The following MALRD1 variants were observed in gnomAD, a reference collection of about 807,000 sequenced individuals.
MALRD1 encodes the protein MAM and LDL-receptor class A domain-containing protein 1.
A neutral mutation model predicts 242.1 loss-of-function variants in MALRD1; 247 were observed. That is an observed-to-expected ratio of 1.02 (90% confidence interval 0.92 to 1.13). The LOEUF is 1.13. Ranked by LOEUF, MALRD1 falls within the 50% of genes most tolerant of loss-of-function variation. MALRD1 has a pLI of 0.00. For missense variants in MALRD1, 2,989 were observed against 2,533.1 expected, an observed-to-expected ratio of 1.18 and a Z score of -3.86; for synonymous variants, 995 against 866.6, an observed-to-expected ratio of 1.15 and a Z score of -2.60.
chr10:19,338,156 A>T (rs1251587922), intron 24 of MALRD1, among the ~76,000 whole-genome samples: 3 of 152,058 alleles, frequency 2.0e-5, no homozygotes, highest in Non-Finnish European at 4.4e-5. Flanking sequence ...TATAATCGAT[A>T]AACCTACAAT....
chr10:19,185,369 G>A (rs1208390686), intron 14 of MALRD1, among the ~76,000 whole-genome samples: 1 of 151,594 alleles, frequency 6.6e-6, no homozygotes, highest in Non-Finnish European at 1.5e-5. Context: ...CTAATTTTAT[G>A]AAAAAATTCT....
chr10:19,391,444 G>A (rs1846332966), intron 28 of MALRD1, among the ~76,000 whole-genome samples: 3 of 152,118 alleles, frequency 2.0e-5, no homozygotes, highest in African/African-American at 7.2e-5. Flanking sequence ...ATTTTACCTT[G>A]CTCATTAGCT....
chr10:19,591,113 A>G (rs979893060), intron 33 of MALRD1, among the ~76,000 whole-genome samples: 1 of 152,076 alleles, frequency 6.6e-6, no homozygotes, highest in African/African-American at 2.4e-5. Context: ...TGTCTCCATA[A>G]TTTTGCCTTT....
intron 19 of MALRD1, among the ~76,000 whole-genome samples, chr10:19,261,753 T>G (rs1349198956): frequency 7.6e-6 from 1 of 132,284 alleles, no homozygotes; most frequent in East Asian, 2.2e-4. Context: ...ATTTTACTTT[T>G]CTTTGGTACT....
intron 39 of MALRD1, among the ~76,000 whole-genome samples, chr10:19,732,266 T>C (rs919939982): frequency 1.5e-4 from 23 of 152,170 alleles, no homozygotes; most frequent in African/African-American, 5.6e-4. Context: ...AAATCTATTA[T>C]TTATTTATTT....
intron 14 of MALRD1, 135 bp downstream of exon 14, chr10:19,175,463 AAT>A (rs376874358): frequency 0.021 from 4,164 of 200,002 alleles, 22 homozygotes; most frequent in Middle Eastern, 0.028. Context: ...TGAAACCTAA[AAT>A]ATATATATAT....
intron 28 of MALRD1, among the ~76,000 whole-genome samples, chr10:19,428,694 A>T (rs983845139): frequency 6.6e-6 from 1 of 152,142 alleles, no homozygotes; most frequent in Admixed American, 6.5e-5. Flanking sequence ...AAATTTGAAA[A>T]AAAAATCAGG....
chr10:19,155,254 G>A, intron 12 of MALRD1, 82 bp downstream of exon 12: 1 of 661,144 alleles, frequency 1.5e-6, no homozygotes, highest in Non-Finnish European at 2.1e-6. Flanking sequence ...GTAATTGCCC[G>A]CCATGTTTTA....
intron 24 of MALRD1, among the ~76,000 whole-genome samples, chr10:19,342,147 T>G (rs993768670): frequency 6.6e-6 from 1 of 152,100 alleles, no homozygotes; most frequent in Non-Finnish European, 1.5e-5. Flanking sequence ...ATCTGAAACT[T>G]TTTATCATTT....
In MALRD1 at chr10:19,691,805, C is replaced by T. The variant is rs185874255; in HGVS notation, c.6138-477C>T. 2.4e-3 allele frequency among the ~76,000 whole-genome samples: 371 copies of T among 152,204 alleles called. 3 individuals are homozygous for T. Among genetic ancestry groups the T allele is most frequent in the Admixed American group, 6.7e-3 (103 of 15,276 alleles). ...ATTAACCTGTTTCCAAATCTAAACA[C>T]TTGAAGGATTATCCCTTTGTAATGA... On this transcript the variant is annotated intron_variant, in intron 36 of 39. Coordinates refer to ENST00000454679, the MANE Select transcript of MALRD1 (RefSeq NM_001142308.3).
chr10:19,481,426 C>T (rs867532667), intron 29 of MALRD1, among the ~76,000 whole-genome samples: 47 of 152,108 alleles, frequency 3.1e-4, no homozygotes, highest in Non-Finnish European at 2.1e-4. Context: ...TTTGAAAATA[C>T]TGGTCATGTA....
At chr10:19,692,194 A>G (rs944875209) in intron 36 of MALRD1, 88 bp from the exon 37 acceptor site, 2 of 987,918 alleles carry the variant, frequency 2.0e-6, no homozygotes, top group Non-Finnish European at 1.4e-6. Flanking sequence ...TTATTTATTG[A>G]CATTCATGAT....
chr10:19,524,214 C>T (rs374109011), intron 31 of MALRD1, among the ~76,000 whole-genome samples: 3 of 152,130 alleles, frequency 2.0e-5, no homozygotes, highest in Admixed American at 6.5e-5. Context: ...CAGTGACTCA[C>T]GCCTGTAATT....
intron 4 of MALRD1, among the ~76,000 whole-genome samples, chr10:19,095,473 T>C (rs1451785197): frequency 6.6e-6 from 1 of 152,022 alleles, no homozygotes; most frequent in Non-Finnish European, 1.5e-5. Context: ...GGAGTGTGGG[T>C]GGTTAGAAAA....
chr10:19,162,351 T>C (rs1012204760), intron 12 of MALRD1, among the ~76,000 whole-genome samples: 6 of 152,218 alleles, frequency 3.9e-5, no homozygotes, highest in African/African-American at 1.2e-4. Context: ...AAGCATTTAC[T>C]GACAGTCTAC....
At chr10:19,466,895 G>A (rs1050656024) in intron 29 of MALRD1, among the ~76,000 whole-genome samples, 5 of 152,078 alleles carry the variant, frequency 3.3e-5, no homozygotes, top group Admixed American at 2.6e-4. Flanking sequence ...TTTCACTGAC[G>A]TCATAACTCC....
Position 19,052,095 on chromosome 10 carries a change from C to G in MALRD1, c.199+2958C>G, listed in dbSNP as rs548645408. ...GGTGGATTCAAGAGCCATGTCAGGGCTAGCAAAATGGCAGAATTCATATAG... is the reference window on the plus strand; with the variant it reads ...GGTGGATTCAAGAGCCATGTCAGGGGTAGCAAAATGGCAGAATTCATATAG... On this transcript the variant is annotated intron_variant, in intron 1 of 39. Coordinates refer to ENST00000454679, the MANE Select transcript of MALRD1 (RefSeq NM_001142308.3). 2.4e-4 allele frequency: 109 copies of G among 447,756 alleles called. No individual in the cohort carries two copies. In the Middle Eastern group the frequency reaches 4.7e-3, roughly 19 times the overall value. The allele number at this position is 447,756 out of a possible 1,614,324, so 27.7% of individuals were successfully genotyped here.
chr10:19,611,588 G>T (rs1838898670), intron 35 of MALRD1, among the ~76,000 whole-genome samples: 1 of 151,876 alleles, frequency 6.6e-6, no homozygotes, highest in African/African-American at 2.4e-5. Context: ...TAAAGATTGG[G>T]AACCTCTGCT....
intron 36 of MALRD1, among the ~76,000 whole-genome samples, chr10:19,652,073 A>G (rs1821197081): frequency 6.6e-6 from 1 of 152,174 alleles, no homozygotes; most frequent in Non-Finnish European, 1.5e-5. Flanking sequence ...GAAACTGCCA[A>G]CAGGGCCAGC....
Sources: allele counts gnomAD v4.1 joint callset (sites outside exome capture counted in the v4.1 genomes callset), GRCh38; gene constraint gnomAD v4.1.1; transcripts MANE v1.5; gene names NCBI Gene and HGNC (gene_info 2026-07-23, HGNC 2026-07-21).